Variants in SPOCK3 observed in about 807,000 individuals in gnomAD.
SPOCK3 encodes the protein testican-3.
Under a neutral mutation model 56.6 loss-of-function variants are expected in SPOCK3, and 30 were observed. That is an observed-to-expected ratio of 0.53 (90% CI 0.40 to 0.72). The LOEUF is 0.72. SPOCK3 is among the 30% of genes least tolerant of loss of function. SPOCK3 has a pLI of 0.00. For synonymous variants in SPOCK3, 196 were observed against 183.3 expected, an observed-to-expected ratio of 1.07 and a Z score of -0.56; for missense variants, 527 against 530.0, an observed-to-expected ratio of 0.99 and a Z score of 0.06.
chr4:166,896,981 CT>C (rs199831366), intron 5 of SPOCK3, among the ~76,000 whole-genome samples: 1,777 of 152,062 alleles, frequency 0.012, 45 homozygotes, highest in African/African-American at 0.04. Context: ...AAAAGATTAA[CT>C]TTTTTTTCCC....
chr4:167,104,120 A>G (rs1759886892), intron 2 of SPOCK3, among the ~76,000 whole-genome samples: 1 of 152,156 alleles, frequency 6.6e-6, no homozygotes, highest in Non-Finnish European at 1.5e-5. Context: ...ACAGGTACGA[A>G]CAAGCCCAAT....
chr4:167,195,377 G>C (rs1261910162), intron 2 of SPOCK3, among the ~76,000 whole-genome samples: 2 of 152,216 alleles, frequency 1.3e-5, no homozygotes, highest in Non-Finnish European at 2.9e-5. Flanking sequence ...ATGCCTGCCT[G>C]CAGGGTCACC....
chr4:167,080,723 G>A (rs897035760), intron 2 of SPOCK3, among the ~76,000 whole-genome samples: 3 of 151,790 alleles, frequency 2.0e-5, no homozygotes, highest in African/African-American at 7.3e-5. Flanking sequence ...CTACCTACCC[G>A]AGATAGAAAA....
intron 2 of SPOCK3, among the ~76,000 whole-genome samples, chr4:167,095,871 G>T (rs138201042): frequency 2.6e-4 from 39 of 151,768 alleles, no homozygotes; most frequent in Admixed American, 7.2e-4. Flanking sequence ...TAAATGCAAT[G>T]AAATAAAAAT....
Position 167,082,331 on chromosome 4 carries a change from T to G in SPOCK3, c.190-19794A>C, listed in dbSNP as rs372933794. 1.6e-4 allele frequency among the ~76,000 whole-genome samples: 24 copies of G among 152,224 alleles called. No homozygotes were observed. The East Asian group carries it at 4.5e-3, about 28-fold the overall frequency. ...GATCTGTTTGGTTTTATGCCAAATC[T>G]TTTACAGAAGTTGCCCAATATGACC... On this transcript the variant is annotated intron_variant, in intron 2 of 10. Coordinates refer to ENST00000357545, the MANE Select transcript of SPOCK3 (RefSeq NM_001040159.2).
intron 4 of SPOCK3, among the ~76,000 whole-genome samples, chr4:166,935,797 T>A (rs1248071073): frequency 6.6e-5 from 10 of 152,118 alleles, no homozygotes; most frequent in Non-Finnish European, 1.5e-4. Flanking sequence ...GACATGACGG[T>A]GGTCTAAACA....
At chr4:166,995,748 G>C (rs1304588746) in intron 4 of SPOCK3, among the ~76,000 whole-genome samples, 1 of 151,944 alleles carries the variant, frequency 6.6e-6, no homozygotes, top group Non-Finnish European at 1.5e-5. Context: ...AAAGAGTTTT[G>C]CATACATTAA....
chr4:166,742,952 G>A (rs1354412967), intron 8 of SPOCK3, among the ~76,000 whole-genome samples: 1 of 152,052 alleles, frequency 6.6e-6, no homozygotes, highest in Non-Finnish European at 1.5e-5. Context: ...AAAATCTAGA[G>A]ATGATTTAAA....
At chr4:166,927,107 G>A (rs149527248) in intron 4 of SPOCK3, among the ~76,000 whole-genome samples, 1 of 152,172 alleles carries the variant, frequency 6.6e-6, no homozygotes, top group African/African-American at 2.4e-5. Flanking sequence ...GGATTTACTT[G>A]TTGGAAGACA....
chr4:167,222,919 A>G (rs1054849528), intron 2 of SPOCK3, among the ~76,000 whole-genome samples: 1 of 128,280 alleles, frequency 7.8e-6, no homozygotes, highest in Non-Finnish European at 1.5e-5. Context: ...AGATATGTTT[A>G]TATATGAATA....
intron 6 of SPOCK3, among the ~76,000 whole-genome samples, chr4:166,797,330 G>T (rs1292441843): frequency 3.3e-5 from 4 of 120,212 alleles, no homozygotes; most frequent in African/African-American, 1.3e-4. Flanking sequence ...TTTAAACAAA[G>T]CTTTGATATT....
chr4:166,964,317 A>G (rs1471032438), intron 4 of SPOCK3, among the ~76,000 whole-genome samples: 1 of 151,854 alleles, frequency 6.6e-6, no homozygotes, highest in East Asian at 1.9e-4. Context: ...GAACAAAGCT[A>G]AAGAGGAGCA....
At chr4:167,093,997 G>C (rs910985638) in intron 2 of SPOCK3, among the ~76,000 whole-genome samples, 6 of 152,066 alleles carry the variant, frequency 3.9e-5, no homozygotes, top group Non-Finnish European at 7.4e-5. Context: ...GAATTCTTGG[G>C]CTAGAATAAA....
chr4:167,100,326 T>C (rs1759526139), intron 2 of SPOCK3, among the ~76,000 whole-genome samples: 1 of 152,028 alleles, frequency 6.6e-6, no homozygotes, highest in Non-Finnish European at 1.5e-5. Context: ...TTACTAAAAG[T>C]GACTCACTGC....
chr4:167,107,167 C>A (rs938677221), intron 2 of SPOCK3, among the ~76,000 whole-genome samples: 7 of 151,816 alleles, frequency 4.6e-5, no homozygotes, highest in African/African-American at 1.7e-4. Flanking sequence ...CCAGTTTTAC[C>A]CTGATACCAA....
intron 2 of SPOCK3, among the ~76,000 whole-genome samples, chr4:167,186,489 T>A (rs1731971879): frequency 6.6e-6 from 1 of 150,822 alleles, no homozygotes; most frequent in South Asian, 2.1e-4. Flanking sequence ...TAGCTGAGCG[T>A]GGTGGTGGGC....
chr4:166,766,660 G>C (rs1345097793), intron 7 of SPOCK3, among the ~76,000 whole-genome samples: 1 of 152,050 alleles, frequency 6.6e-6, no homozygotes, highest in South Asian at 2.1e-4. Flanking sequence ...TTTTTTTGCT[G>C]TGTCTCTGCC....
chr4:166,972,056 T>G (rs192166534), intron 4 of SPOCK3, among the ~76,000 whole-genome samples: 2 of 152,280 alleles, frequency 1.3e-5, no homozygotes, highest in East Asian at 1.9e-4. Context: ...AATAACATTA[T>G]GAAGGAAGCA....
chr4:167,084,699 A>T (rs1302432381), intron 2 of SPOCK3, among the ~76,000 whole-genome samples: 2 of 152,160 alleles, frequency 1.3e-5, no homozygotes, highest in Non-Finnish European at 2.9e-5. Context: ...CCACCCTCCT[A>T]AGAGTTCAAT....
Sources: allele counts gnomAD v4.1 joint callset (sites outside exome capture counted in the v4.1 genomes callset), GRCh38; gene constraint gnomAD v4.1.1; transcripts MANE v1.5; gene names NCBI Gene and HGNC (gene_info 2026-07-23, HGNC 2026-07-21).